GLI3: variants seen among roughly 807,000 people sequenced by gnomAD.
GLI3 encodes GLI family zinc finger 3.
GLI3 carries 20 observed loss-of-function variants against 100.8 expected under a neutral mutation model. That is an observed-to-expected ratio of 0.20 (90% CI 0.14 to 0.29). The LOEUF is 0.29. Ranked by LOEUF, GLI3 falls within the 10% of genes least tolerant of loss-of-function variation. The pLI is 1.00. For synonymous variants in GLI3, 938 were observed against 860.5 expected (o/e 1.09, Z -1.58); for missense variants, 2,040 against 2,128.5 (o/e 0.96, Z 0.82).
At position 42,246,805 on chromosome 7, in the gene GLI3, C is replaced by CTTTTTTTTTTTT. The variant is rs71006467; in HGVS notation, c.-43+17177_-43+17188dup. On this transcript the variant is annotated intron_variant, in intron 1 of 2. Transcript: ENST00000678978. Reference sequence around the variant, plus strand: ...TTAAAGGCTCATTGGATGATAGAATCTTTTTTTTTTTTTTTTTTTTTTTTT... The same window carrying CTTTTTTTTTTTT: ...TTAAAGGCTCATTGGATGATAGAATCTTTTTTTTTTTTTTTTTTTTTTTTTTTTTTTTTTTTT... Among the ~76,000 whole-genome samples the CTTTTTTTTTTTT allele has an allele frequency of 2.5e-3, 237 of 94,954 alleles. 25 individuals carry two copies. Among genetic ancestry groups the CTTTTTTTTTTTT allele is most frequent in the African/African-American group, 9.0e-3 (208 of 23,006 alleles). The allele number at this position is 94,954 out of a possible 152,430, so 62.3% of individuals were successfully genotyped here.
chr7:42,076,654 T>C, intron 4 of GLI3, 98 bp downstream of exon 4: 1 of 808,398 alleles, frequency 1.2e-6, no homozygotes, highest in Admixed American at 1.8e-5. Flanking sequence ...CTATCACATC[T>C]TCAAAGCCCA....
chr7:42,236,541 C>T (rs968354108), intron 1 of GLI3, among the ~76,000 whole-genome samples: 21 of 152,188 alleles, frequency 1.4e-4, no homozygotes. Context: ...CTCCCGCCTC[C>T]TTCCGCCCAT....
chr7:42,259,120 G>T (rs981868628), intron 1 of GLI3, among the ~76,000 whole-genome samples: 27 of 152,182 alleles, frequency 1.8e-4, no homozygotes, highest in Admixed American at 1.3e-3. Flanking sequence ...TCATCATCTA[G>T]TTCCAAGCTT....
rs141200282 is a variant in GLI3, at chr7:42,098,983, C to T, written c.368-22126G>A. ...TGGGGCATCCAAAAGGAAGAGCTGT[C>T]GCCATTCATCCAGGGATACATCTGC... On this transcript the variant is annotated intron_variant, in intron 3 of 14. Transcript: ENST00000395925. Among the ~76,000 whole-genome samples, 128 of 152,266 alleles carry T rather than the reference C, an allele frequency of 8.4e-4. 1 individual carries two copies. The highest frequency in any genetic ancestry group is 3.0e-3 in the African/African-American group (125 of 41,560).
rs1027671401 is a variant in GLI3, at chr7:42,061,062, G to C, written c.474-12366C>G. 5.3e-5 allele frequency among the ~76,000 whole-genome samples: 8 copies of C among 152,274 alleles called. 1 individual carries two copies. The highest frequency in any genetic ancestry group is 1.7e-4 in the African/African-American group (7 of 41,560). ...ACTTTAAAAGTCTCAGCAGCACTAA[G>C]GCAGAATCTGTTATTCAAGCAAGAA... is the stretch of plus-strand genomic sequence containing the variant. On this transcript the variant is annotated intron_variant, in intron 4 of 14. Transcript: ENST00000395925.
intron 2 of GLI3, among the ~76,000 whole-genome samples, chr7:42,157,730 T>TAGTAAAGGTAAA (rs1787038168): frequency 6.6e-6 from 1 of 151,938 alleles, no homozygotes; most frequent in Non-Finnish European, 1.5e-5. Flanking sequence ...TTTAATTCTA[T>TAGTAAAGGTAAA]GTATGACCTT....
intron 1 of GLI3, among the ~76,000 whole-genome samples, chr7:42,256,730 G>C (rs934483807): frequency 2.0e-5 from 3 of 151,986 alleles, no homozygotes; most frequent in African/African-American, 7.2e-5. Context: ...TTCCAAATTT[G>C]CTTTTTCCCC....
At chr7:42,048,402 A>C (rs1784287997) in intron 5 of GLI3, 89 bp downstream of exon 5, 2 of 902,428 alleles carry the variant, frequency 2.2e-6, no homozygotes, top group East Asian at 4.8e-5. Flanking sequence ...AACACTCACT[A>C]AACATCAGGT....
chr7:42,054,773 T>A (rs535621286), intron 4 of GLI3, among the ~76,000 whole-genome samples: 1 of 152,052 alleles, frequency 6.6e-6, no homozygotes, highest in East Asian at 1.9e-4. Context: ...CACTCAAGCC[T>A]AGGAGTTCAA....
chr7:42,115,502 A>G (rs941756149), intron 3 of GLI3, among the ~76,000 whole-genome samples: 2 of 152,194 alleles, frequency 1.3e-5, no homozygotes, highest in Non-Finnish European at 2.9e-5. Flanking sequence ...ATGGAAGCCA[A>G]TATAATTCAT....
intron 4 of GLI3, among the ~76,000 whole-genome samples, chr7:42,058,043 T>TA (rs1784497840): frequency 6.6e-6 from 1 of 151,478 alleles, no homozygotes; most frequent in African/African-American, 2.4e-5. Context: ...GCTATTGAAA[T>TA]AAAAAATATG....
At chr7:42,208,276 C>T (rs1376748053) in intron 2 of GLI3, among the ~76,000 whole-genome samples, 3 of 152,182 alleles carry the variant, frequency 2.0e-5, no homozygotes, top group African/African-American at 4.8e-5. Flanking sequence ...ATGTGGCCTT[C>T]AGTGAAGTCA....
At chr7:42,144,684 A>C (rs927386455) in intron 3 of GLI3, among the ~76,000 whole-genome samples, 18 of 152,170 alleles carry the variant, frequency 1.2e-4, no homozygotes, top group African/African-American at 2.9e-4. Flanking sequence ...GGAAAAAAAA[A>C]CAAAAATGGT....
At chr7:42,235,516 G>A (rs1054174542) in intron 1 of GLI3, among the ~76,000 whole-genome samples, 11 of 152,070 alleles carry the variant, frequency 7.2e-5, no homozygotes, top group South Asian at 2.1e-4. Context: ...ACATATTTCA[G>A]GGATCTAAAA....
intron 8 of GLI3, 113 bp downstream of exon 8, chr7:42,026,086 G>A (rs80066622): frequency 1.4e-6 from 1 of 736,582 alleles, no homozygotes. Flanking sequence ...CAGGATGCTA[G>A]TACAGAGGCT....
chr7:42,211,655 A>T (rs1406543113), intron 2 of GLI3, among the ~76,000 whole-genome samples: 1 of 152,162 alleles, frequency 6.6e-6, no homozygotes, highest in Non-Finnish European at 1.5e-5. Flanking sequence ...TATTTTTCTT[A>T]TCATTGCCAC....
intron 2 of GLI3, among the ~76,000 whole-genome samples, chr7:42,154,391 G>A (rs1169192813): frequency 1.3e-5 from 2 of 152,308 alleles, no homozygotes; most frequent in East Asian, 3.9e-4. Flanking sequence ...TGTGTCTCCA[G>A]AAGCTTGGGG....
At chr7:42,135,981 C>T (rs1436887413) in intron 3 of GLI3, among the ~76,000 whole-genome samples, 1 of 152,172 alleles carries the variant, frequency 6.6e-6, no homozygotes, top group Non-Finnish European at 1.5e-5. Context: ...CTGGGTGGGG[C>T]AGGGTGGTTT....
intron 3 of GLI3, among the ~76,000 whole-genome samples, chr7:42,112,337 C>T (rs1236812262): frequency 6.6e-6 from 1 of 151,914 alleles, no homozygotes; most frequent in African/African-American, 2.4e-5. Flanking sequence ...GGTTATATGA[C>T]CACAGAATAT....
Sources: gnomAD v4.1 joint callset for allele counts (sites outside exome capture counted in the v4.1 genomes callset) on GRCh38, gnomAD v4.1.1 for gene constraint, MANE v1.5 for transcripts, NCBI Gene and HGNC (gene_info 2026-07-23, HGNC 2026-07-21) for gene names.